Variants in OSMR observed in about 807,000 individuals in gnomAD.
OSMR encodes the protein oncostatin M receptor.
A neutral mutation model predicts 99.9 loss-of-function variants in OSMR; 81 were observed. The observed-to-expected ratio is 0.81, with a 90% CI of 0.68 to 0.97. OSMR has a LOEUF of 0.97. Ranked by LOEUF, OSMR falls within the 50% of genes least tolerant of loss-of-function variation. The pLI, the probability that OSMR is intolerant of heterozygous loss-of-function variation, is 0.00. For missense variants in OSMR, 1,099 were observed against 1,153.4 expected (o/e 0.95, Z 0.68); for synonymous variants, 406 against 410.4 (o/e 0.99, Z 0.13).
chr5:38,863,897 C>T (rs1741716235), intron 1 of OSMR, among the ~76,000 whole-genome samples: 1 of 150,968 alleles, frequency 6.6e-6, no homozygotes, highest in Non-Finnish European at 1.5e-5. Context: ...TGAATTGAGC[C>T]CTTTATTACA....
rs374558078 is a variant in OSMR at position 38,881,811 on chromosome 5, T to C, written c.418+47T>C. 2.3e-3 allele frequency: 3,379 copies of C among 1,493,216 alleles called. 5 individuals are homozygous for C. Among genetic ancestry groups the C allele is most frequent in the Non-Finnish European group, 2.9e-3 (3,119 of 1,069,950 alleles). 92.5% of individuals were successfully genotyped at this position (1,493,216 alleles called of 1,614,324 possible). A position where few individuals can be genotyped will look rare whatever the true frequency, so the allele number is the denominator to read the frequency against. On this transcript the variant is annotated intron_variant, in intron 4 of 17. Transcript: ENST00000274276. Reference sequence around the variant, plus strand: ...AGAGTGAAAAGGGTTAATATATTTTTTAATGAGGAGCAATAGTCAAATAGT... The same window carrying C: ...AGAGTGAAAAGGGTTAATATATTTTCTAATGAGGAGCAATAGTCAAATAGT...
chr5:38,898,308 T>C (rs1744655396), intron 7 of OSMR, among the ~76,000 whole-genome samples: 2 of 152,238 alleles, frequency 1.3e-5, no homozygotes, highest in South Asian at 4.1e-4. Context: ...TTTATAATTG[T>C]CATATCCTCT....
chr5:38,902,393 T>C (rs1744951769), intron 7 of OSMR, among the ~76,000 whole-genome samples: 1 of 152,194 alleles, frequency 6.6e-6, no homozygotes, highest in African/African-American at 2.4e-5. Context: ...GCACCTAAAA[T>C]GGCCCAACGG....
At chr5:38,895,817 T>A (rs1744469855) in intron 7 of OSMR, among the ~76,000 whole-genome samples, 1 of 152,150 alleles carries the variant, frequency 6.6e-6, no homozygotes, top group African/African-American at 2.4e-5. Flanking sequence ...ACATTTTGAT[T>A]TGATTTTTTA....
chr5:38,913,549 CAAAA>C (rs528979345), intron 9 of OSMR, among the ~76,000 whole-genome samples: 63 of 123,648 alleles, frequency 5.1e-4, no homozygotes, highest in South Asian at 5.1e-4. Context: ...GACTCCATCT[CAAAA>C]AAAAAAAAAA....
intron 15 of OSMR, among the ~76,000 whole-genome samples, chr5:38,931,262 G>T (rs1482154435): frequency 6.6e-6 from 1 of 152,134 alleles, no homozygotes; most frequent in African/African-American, 2.4e-5. Flanking sequence ...TGGCATACAA[G>T]AACAAATCTA....
At chr5:38,912,083 A>G (rs1409497067) in intron 9 of OSMR, among the ~76,000 whole-genome samples, 1 of 149,758 alleles carries the variant, frequency 6.7e-6, no homozygotes, top group African/African-American at 2.5e-5. Context: ...CAAGAGAAAG[A>G]AAAAAAAAAG....
At chr5:38,904,057 A>C (rs769258268) in intron 8 of OSMR, 33 bp downstream of exon 8, 1 of 1,611,328 alleles carries the variant, frequency 6.2e-7, no homozygotes, top group Non-Finnish European at 8.5e-7. Context: ...TATTTTCAAA[A>C]ATTCTTTTTT....
chr5:38,945,052 T>C, exon 3 of OSMR: 3 of 1,602,898 alleles, frequency 1.9e-6, no homozygotes, highest in Non-Finnish European at 2.6e-6. Context: ...AATCAGAATA[T>C]GGAATATCTT....
chr5:38,853,355 G>A (rs527527368), intron 1 of OSMR, among the ~76,000 whole-genome samples: 85 of 152,248 alleles, frequency 5.6e-4, no homozygotes, highest in Middle Eastern at 3.4e-3. Flanking sequence ...AATGCTATAA[G>A]GTAGGTTATT....
intron 1 of OSMR, among the ~76,000 whole-genome samples, chr5:38,860,522 T>C (rs1394959816): frequency 6.6e-6 from 1 of 152,204 alleles, no homozygotes; most frequent in Non-Finnish European, 1.5e-5. Flanking sequence ...TATTGGCCTA[T>C]ATTTTTCTTT....
chr5:38,920,042 G>A (rs866342376), intron 11 of OSMR, among the ~76,000 whole-genome samples: 5 of 152,106 alleles, frequency 3.3e-5, no homozygotes, highest in Admixed American at 2.6e-4. Context: ...ATTAGGATCC[G>A]AACAGGAAAA....
At chr5:38,942,996 T>C (rs1233094169) in intron 1 of OSMR, 10 of 1,548,664 alleles carry the variant, frequency 6.5e-6, no homozygotes, top group Non-Finnish European at 8.9e-6. Flanking sequence ...TATGGTGTGA[T>C]GAAAACTGTA....
At chr5:38,903,764 C>A in intron 7 of OSMR, 118 bp from the exon 8 acceptor site, 1 of 1,508,222 alleles carries the variant, frequency 6.6e-7, no homozygotes, top group Non-Finnish European at 8.8e-7. Context: ...TTGTCATGTT[C>A]TCAAAAGTGA....
At chr5:38,924,985 C>CA (rs1479766837) in intron 14 of OSMR, 16 of 564,218 alleles carry the variant, frequency 2.8e-5, no homozygotes, top group Non-Finnish European at 3.6e-5. Flanking sequence ...ACTAGTACCC[C>CA]TTGTTCAGTG....
At chr5:38,907,595 C>G (rs1745326551) in intron 9 of OSMR, among the ~76,000 whole-genome samples, 1 of 152,222 alleles carries the variant, frequency 6.6e-6, no homozygotes, top group Non-Finnish European at 1.5e-5. Context: ...ACTCCTGAGG[C>G]TCCAGCCTTG....
At chr5:38,929,046 T>C (rs778257832) in intron 15 of OSMR, among the ~76,000 whole-genome samples, 3 of 152,170 alleles carry the variant, frequency 2.0e-5, no homozygotes, top group Non-Finnish European at 4.4e-5. Context: ...ATTTGAAATA[T>C]TTGCAACTTT....
chr5:38,916,022 T>C lies in OSMR; in HGVS notation c.1286-1524T>C, dbSNP rs149294931. On this transcript the variant is annotated intron_variant, in intron 9 of 17. Coordinates refer to ENST00000274276, the MANE Select transcript of OSMR (RefSeq NM_003999.3). ...TGAATGTTTTAAATTCTCTTTTGAC[T>C]ACTTCTTGTTGTACTATTCTTGTGA... Among the ~76,000 whole-genome samples, 51 of 152,300 alleles carry C rather than the reference T, an allele frequency of 3.3e-4. 1 individual carries two copies. In the East Asian group the frequency reaches 3.9e-3, roughly 12 times the overall value.
At chr5:38,936,438 G>A (rs944578107), downstream of OSMR, among the ~76,000 whole-genome samples, 1 of 152,134 alleles carries the variant, frequency 6.6e-6, no homozygotes. Context: ...TACATCCTGC[G>A]TCAGCCTGTG....
Sources: allele counts gnomAD v4.1 joint callset (sites outside exome capture counted in the v4.1 genomes callset), GRCh38; gene constraint gnomAD v4.1.1; transcripts MANE v1.5; gene names NCBI Gene and HGNC (gene_info 2026-07-23, HGNC 2026-07-21).